FAM171B: variants seen among roughly 807,000 people sequenced by gnomAD.
FAM171B encodes family with sequence similarity 171 member B.
FAM171B carries 19 observed loss-of-function variants against 75.6 expected under a neutral mutation model. The ratio of observed to expected loss-of-function variants is 0.25; its 90% CI spans 0.18 to 0.37. The LOEUF (loss-of-function observed/expected upper bound fraction) is 0.37. Among genes scored for constraint, FAM171B ranks in the 10% least tolerant of loss-of-function variants. The pLI, the probability that FAM171B is intolerant of heterozygous loss-of-function variation, is 1.00. For missense variants in FAM171B, 848 were observed against 982.4 expected, an observed-to-expected ratio of 0.86 and a Z score of 1.83; for synonymous variants, 367 against 361.7, an observed-to-expected ratio of 1.01 and a Z score of -0.17.
intron 1 of FAM171B, among the ~76,000 whole-genome samples, chr2:186,698,513 A>G (rs1349326116): frequency 6.6e-6 from 1 of 151,994 alleles, no homozygotes; most frequent in East Asian, 1.9e-4. Context: ...TTTGTTTTTA[A>G]TTTTTAATTT....
In FAM171B at chr2:186,711,507, C is replaced by T. The variant is rs531111674; in HGVS notation, c.238+17096C>T. 8.6e-4 allele frequency among the ~76,000 whole-genome samples: 131 copies of T among 152,248 alleles called. 1 individual carries two copies. The South Asian group carries it at 0.012, about 14-fold the overall frequency. ...GTCCCCACCCTGAGGAGAAAACCAG[C>T]CAGGCTATTAATGGAAAGGATGAAG... On this transcript the variant is annotated intron_variant, in intron 1 of 7. Transcript: ENST00000304698.
chr2:186,720,713 A>G (rs1477369120), intron 1 of FAM171B, among the ~76,000 whole-genome samples: 1 of 134,260 alleles, frequency 7.4e-6, no homozygotes, highest in African/African-American at 2.8e-5. Flanking sequence ...AAAAAAAAAA[A>G]AAAGAAAAGA....
chr2:186,762,639 G>GA lies in FAM171B; in HGVS notation c.2298dup (p.Gly767ArgfsTer21). The GA allele has an allele frequency of 6.2e-7, 1 of 1,613,346 alleles. No homozygotes were observed. Among genetic ancestry groups the GA allele is most frequent in the Non-Finnish European group, 8.5e-7 (1 of 1,179,666 alleles). On this transcript the variant is annotated frameshift_variant, in exon 8 of 8. Transcript: ENST00000304698. LOFTEE classifies it high-confidence loss of function. The surrounding 1 kb of genome is among the most constrained non-coding windows in gnomAD (Gnocchi z 4.0). ...CCAGCTTTAAGGCACATCCTAGATG[G>GA]AGGGAGTGGAGTGATCATGGAGCAC...
At chr2:186,738,211 G>A (rs1042277364) in intron 1 of FAM171B, among the ~76,000 whole-genome samples, 2 of 152,172 alleles carry the variant, frequency 1.3e-5, no homozygotes, top group Admixed American at 6.5e-5. Flanking sequence ...TATTCCCACC[G>A]TCCACAGCCC....
At chr2:186,750,611 G>T (rs930468416) in intron 4 of FAM171B, among the ~76,000 whole-genome samples, 1 of 148,334 alleles carries the variant, frequency 6.7e-6, no homozygotes, top group Non-Finnish European at 1.5e-5. Context: ...TGCTTTTTAT[G>T]TAAGAAGTGC....
In FAM171B at chr2:186,761,201, C is replaced by A; in HGVS notation, c.1101C>A (p.Val367=). ...TATTAGGAGGAACAATAGTCATTGTCATTGGATTTTTTGCTGTACTACTTT... is the reference window on the plus strand; with the variant it reads ...TATTAGGAGGAACAATAGTCATTGTAATTGGATTTTTTGCTGTACTACTTT... The part of the protein sequence containing the change: ...TAILGGTIVI[V]IGFFAVLLCY... The change falls in exon 7 of 8, where the codon GTC becomes GTA. Residue 367 remains valine (V), a synonymous_variant. Transcript: ENST00000304698. 2 of 1,612,302 alleles carry A rather than the reference C, an allele frequency of 1.2e-6. No homozygotes were observed. Among genetic ancestry groups the A allele is most frequent in the South Asian group, 2.2e-5 (2 of 90,836 alleles).
intron 1 of FAM171B, among the ~76,000 whole-genome samples, 172 bp downstream of exon 1, chr2:186,694,583 T>A (rs1397927114): frequency 6.6e-6 from 1 of 152,090 alleles, no homozygotes; most frequent in Non-Finnish European, 1.5e-5. Context: ...CTTGATCTGG[T>A]GTCGGGAATC....
chr2:186,746,995 A>C, intron 3 of FAM171B, 97 bp from the exon 4 acceptor site: 1 of 855,404 alleles, frequency 1.2e-6, no homozygotes, highest in Non-Finnish European at 1.8e-6. Context: ...GTTTAGCAAT[A>C]ATTATAATTG....
Position 186,762,340 on chromosome 2 carries a change from C to G in FAM171B, c.1998C>G (p.Pro666=). 6.2e-7 allele frequency: 1 copy of G among 1,613,702 alleles called. No individual in the cohort carries two copies. Among genetic ancestry groups the G allele is most frequent in the Non-Finnish European group, 8.5e-7 (1 of 1,179,780 alleles). ...TCCTGGAGCTGTCCAAAGGAAAGCC[C>G]TCCCCGCATCCCAGAGCCTGGTTTG... ...QTLLELSKGK[P]SPHPRAWFVS... Residue 666 remains proline, a synonymous_variant, in exon 8 of 8, where the codon CCC becomes CCG. Coordinates refer to ENST00000304698, the MANE Select transcript of FAM171B (RefSeq NM_177454.4). This position sits in a 1 kb window ranked among gnomAD's most constrained non-coding sequence, Gnocchi z 4.0.
chr2:186,718,933 C>A (rs1689910731), intron 1 of FAM171B, among the ~76,000 whole-genome samples: 1 of 152,164 alleles, frequency 6.6e-6, no homozygotes, highest in African/African-American at 2.4e-5. Context: ...GCCTTCCTGG[C>A]AATATAGTTG....
chr2:186,697,147 A>T (rs1689595150), intron 1 of FAM171B, among the ~76,000 whole-genome samples: 1 of 152,220 alleles, frequency 6.6e-6, no homozygotes, highest in Non-Finnish European at 1.5e-5. Flanking sequence ...TATGTAGGAA[A>T]GTTTGTAAGT....
At chr2:186,730,412 T>G (rs573813470) in intron 1 of FAM171B, among the ~76,000 whole-genome samples, 2 of 152,344 alleles carry the variant, frequency 1.3e-5, no homozygotes, top group East Asian at 3.9e-4. Flanking sequence ...TGTATGTATG[T>G]ATAAAACCTG....
At chr2:186,701,729 AC>A (rs1689663171) in intron 1 of FAM171B, among the ~76,000 whole-genome samples, 1 of 152,182 alleles carries the variant, frequency 6.6e-6, no homozygotes, top group Admixed American at 6.5e-5. Context: ...AGGTTGAAAA[AC>A]ATATGCCATT....
chr2:186,753,966 A>G lies in FAM171B; in HGVS notation c.929A>G (p.Lys310Arg), dbSNP rs1176407223. The G allele has an allele frequency of 6.2e-7, 1 of 1,613,582 alleles. No individual in the cohort carries two copies. The highest frequency in any genetic ancestry group is 1.3e-5 in the African/African-American group (1 of 74,890). Residue 310 changes from lysine (K) to arginine (R), a missense_variant, in exon 6 of 8, where the codon AAG becomes AGG. By Grantham distance (26) the Lys-to-Arg change is conservative. Around this residue, in one of 3 missense-constraint regions of FAM171B, gnomAD observed 665 missense variants for 729.0 expected, o/e 0.91. Transcript: ENST00000304698. ...GTAAATCATGGTCGGGGAATGGTCA[A>G]GGAACATAACAATCATTTAATCTGG... Reference protein sequence around the residue: ...AWVNHGRGMVKEHNNHLIWTY... With the variant: ...AWVNHGRGMVREHNNHLIWTY...
At chr2:186,699,234 A>T (rs1443853958) in intron 1 of FAM171B, among the ~76,000 whole-genome samples, 1 of 152,118 alleles carries the variant, frequency 6.6e-6, no homozygotes, top group Non-Finnish European at 1.5e-5. Context: ...ACTAATTTAC[A>T]TTCCCACCAG....
At chr2:186,718,089 A>AGAGG (rs1689899016) in intron 1 of FAM171B, among the ~76,000 whole-genome samples, 1 of 152,230 alleles carries the variant, frequency 6.6e-6, no homozygotes. Context: ...GTCATTTGCC[A>AGAGG]GATCCGAAAT....
Position 186,694,244 on chromosome 2 carries a change from G to C in FAM171B, c.71G>C (p.Arg24Pro). Residue 24 changes from arginine to proline, a missense_variant, in exon 1 of 8, where the codon CGG (arginine) becomes CCG (proline). Transcript: ENST00000304698. ...LGLAVVLLKARLVPAAARAEL... is the reference protein window; with the variant it reads ...LGLAVVLLKAPLVPAAARAEL... Reference sequence around the variant, plus strand: ...CTGGCCGTGGTGCTGCTGAAAGCGCGGCTGGTCCCCGCGGCCGCCAGAGCG... The same window carrying C: ...CTGGCCGTGGTGCTGCTGAAAGCGCCGCTGGTCCCCGCGGCCGCCAGAGCG... 1 of 1,611,562 alleles carries C rather than the reference G, an allele frequency of 6.2e-7. No individual in the cohort carries two copies. Among genetic ancestry groups the C allele is most frequent in the Non-Finnish European group, 8.5e-7 (1 of 1,179,784 alleles).
intron 1 of FAM171B, among the ~76,000 whole-genome samples, chr2:186,721,734 A>T (rs1254839954): frequency 9.2e-5 from 14 of 152,176 alleles, no homozygotes. Flanking sequence ...CTCAGTGCCT[A>T]GTACAGATCT....
intron 6 of FAM171B, among the ~76,000 whole-genome samples, chr2:186,755,752 C>T (rs1374043341): frequency 2.0e-5 from 3 of 152,178 alleles, no homozygotes; most frequent in Non-Finnish European, 4.4e-5. Flanking sequence ...TGGGCTCAAA[C>T]TCTGGATCCT....
Sources: allele counts gnomAD v4.1 joint callset (sites outside exome capture counted in the v4.1 genomes callset), GRCh38; gene constraint gnomAD v4.1.1; regional missense constraint gnomAD v4.1.1; non-coding constraint Gnocchi (gnomAD v3.1); transcripts MANE v1.5; gene names NCBI Gene and HGNC (gene_info 2026-07-23, HGNC 2026-07-21).